Variants in POLR1C observed in about 807,000 individuals in gnomAD.
POLR1C encodes the protein RNA polymerase I and III subunit C.
In POLR1C, 42 loss-of-function variants were observed where a neutral mutation model predicts 38.3. That is an observed-to-expected ratio of 1.10 (90% CI 0.86 to 1.42). The LOEUF (loss-of-function observed/expected upper bound fraction) is 1.42, where lower values mean the gene tolerates loss of function less well. Among genes scored for constraint, POLR1C ranks in the 40% most tolerant of loss-of-function variants. The probability of loss-of-function intolerance (pLI) is 0.00; values close to 1 mark genes in which losing one functional copy is unlikely to be tolerated. For synonymous variants in POLR1C, 163 were observed against 163.9 expected (o/e 0.99, Z 0.04); for missense variants, 507 against 450.5 (o/e 1.13, Z -1.14).
chr6:43,537,395 T>TA (rs1400172732), intron 9 of POLR1C, among the ~76,000 whole-genome samples: 2 of 152,188 alleles, frequency 1.3e-5, no homozygotes, highest in African/African-American at 4.8e-5. Context: ...GATTATCTGC[T>TA]AAAAAACTGA....
intron 9 of POLR1C, among the ~76,000 whole-genome samples, chr6:43,538,666 C>G (rs1461851470): frequency 2.0e-5 from 3 of 152,086 alleles, no homozygotes; most frequent in African/African-American, 7.2e-5. Context: ...TCTATGTTTA[C>G]AAGTGATTTA....
At chr6:43,557,011 CCA>C (rs984232328) in intron 10 of POLR1C, among the ~76,000 whole-genome samples, 6 of 151,878 alleles carry the variant, frequency 4.0e-5, no homozygotes, top group Admixed American at 3.9e-4. Context: ...GCCTATAATC[CCA>C]GTTACTTGGG....
At chr6:43,531,202 CT>C (rs1793953634), downstream of POLR1C, among the ~76,000 whole-genome samples, 1 of 151,940 alleles carries the variant, frequency 6.6e-6, no homozygotes, top group African/African-American at 2.4e-5. Context: ...ATCCCCACCA[CT>C]TTTAGCTTCG....
intron 8 of POLR1C, chr6:43,529,113 C>G: frequency 1.8e-6 from 2 of 1,120,312 alleles, no homozygotes; most frequent in Non-Finnish European, 2.6e-6. Flanking sequence ...TATTGAATTC[C>G]ATTATACTCT....
intron 9 of POLR1C, chr6:43,546,466 C>G: frequency 1.8e-6 from 2 of 1,090,628 alleles, no homozygotes; most frequent in Non-Finnish European, 1.2e-6. Context: ...TAAATCAATC[C>G]CTCATTAATA....
chr6:43,557,915 G>A (rs1437927002), intron 10 of POLR1C, among the ~76,000 whole-genome samples: 3 of 151,654 alleles, frequency 2.0e-5, no homozygotes, highest in Admixed American at 2.0e-4. Flanking sequence ...GACCAACATG[G>A]AGAAACCCCA....
intron 8 of POLR1C, chr6:43,527,842 C>G: frequency 8.7e-7 from 1 of 1,153,272 alleles, no homozygotes. Flanking sequence ...TTTGGGTCTT[C>G]GTTTTATGCA....
intron 9 of POLR1C, chr6:43,546,637 G>A (rs752581477): frequency 6.2e-7 from 1 of 1,613,908 alleles, no homozygotes; most frequent in Non-Finnish European, 8.5e-7. Flanking sequence ...ACGGAAGATT[G>A]GATTTCCACT....
At chr6:43,517,836 T>C (rs1294661381) in intron 2 of POLR1C, among the ~76,000 whole-genome samples, 1 of 152,246 alleles carries the variant, frequency 6.6e-6, no homozygotes, top group East Asian at 1.9e-4. Context: ...TAGTCTTTTG[T>C]ATTGTTTCAC....
intron 9 of POLR1C, among the ~76,000 whole-genome samples, chr6:43,545,273 G>A (rs762068840): frequency 5.3e-5 from 8 of 152,188 alleles, no homozygotes; most frequent in Non-Finnish European, 7.3e-5. Flanking sequence ...TTGGTTCTCA[G>A]GCTTCAGGTC....
rs1793062463 is a variant in POLR1C at position 43,520,096 on chromosome 6, TAC to T, written c.415_416del (p.Gln139ValfsTer15). On this transcript the variant is annotated frameshift_variant, in exon 5 of 9. Transcript: ENST00000642195. LOFTEE classifies it high-confidence loss of function. ...GAAGAAGGCACAGAGATAGATACTC[TAC>T]AGTTTCGTCTCCAGGTCAGATGCAC... is the stretch of plus-strand genomic sequence containing the variant. The T allele has an allele frequency of 6.2e-7, 1 of 1,614,250 alleles. No homozygotes were observed. The highest frequency in any genetic ancestry group is 2.2e-5 in the East Asian group (1 of 44,888).
chr6:43,558,409 T>C (rs1762225498), intron 10 of POLR1C: 1 of 1,177,326 alleles, frequency 8.5e-7, no homozygotes, highest in African/African-American at 1.6e-5. Flanking sequence ...TGGGGATCTT[T>C]CGTAAAAACC....
At chr6:43,527,528 C>T (rs1793676226) in intron 8 of POLR1C, 2 of 1,171,084 alleles carry the variant, frequency 1.7e-6, no homozygotes, top group African/African-American at 3.1e-5. Flanking sequence ...ATGCCCGCCG[C>T]AAACATGAAT....
chr6:43,517,102 G>T lies in POLR1C; in HGVS notation c.-8G>T, dbSNP rs142683244. ...GATAGAACCTCTAGTCTCGTGGAGA[G>T]ATTGAAGATGGCGGCTTCTCAGGCG... is the stretch of plus-strand genomic sequence containing the variant. On this transcript the variant is annotated 5_prime_UTR_variant, in exon 1 of 9. Transcript: ENST00000642195. 4 of 1,614,144 alleles carry T rather than the reference G, an allele frequency of 2.5e-6. No homozygotes were observed. Among genetic ancestry groups the T allele is most frequent in the Non-Finnish European group, 3.4e-6 (4 of 1,179,946 alleles).
intron 10 of POLR1C, among the ~76,000 whole-genome samples, chr6:43,552,082 T>G (rs767559854): frequency 3.3e-5 from 5 of 152,204 alleles, no homozygotes; most frequent in Non-Finnish European, 5.9e-5. Flanking sequence ...TCAGCTACTT[T>G]ATTTATATAT....
At chr6:43,545,274 G>A (rs1474085174) in intron 9 of POLR1C, among the ~76,000 whole-genome samples, 1 of 152,160 alleles carries the variant, frequency 6.6e-6, no homozygotes, top group Non-Finnish European at 1.5e-5. Context: ...TGGTTCTCAG[G>A]CTTCAGGTCT....
At position 43,520,914 on chromosome 6, in the gene POLR1C, A is replaced by T. The variant is rs753042694; in HGVS notation, c.806-18A>T. 2 of 1,611,646 alleles carry T rather than the reference A, an allele frequency of 1.2e-6. No individual in the cohort carries two copies. Among genetic ancestry groups the T allele is most frequent in the Middle Eastern group, 3.3e-4 (2 of 6,054 alleles). On this transcript the variant is annotated intron_variant, in intron 7 of 8. Coordinates refer to ENST00000642195, the MANE Select transcript of POLR1C (RefSeq NM_203290.4). The stretch of plus-strand genomic sequence containing the variant: ...AAATTAGAAAAAGGAATAAAAAAAC[A>T]TGGTTTGTTCTCATTAGGTAAAAAG...
At chr6:43,535,118 C>T (rs1794235486) in intron 9 of POLR1C, among the ~76,000 whole-genome samples, 1 of 151,728 alleles carries the variant, frequency 6.6e-6, no homozygotes, top group Admixed American at 6.6e-5. Flanking sequence ...CAGTGAAACC[C>T]TGTCTCTACT....
chr6:43,521,540 T>G (rs1459008272), downstream of POLR1C: 1 of 1,138,240 alleles, frequency 8.8e-7, no homozygotes, highest in East Asian at 4.6e-5. Flanking sequence ...TTGAGTTTGT[T>G]TTTTGAGACA....
Sources: gnomAD v4.1 joint callset for allele counts (sites outside exome capture counted in the v4.1 genomes callset) on GRCh38, gnomAD v4.1.1 for gene constraint, MANE v1.5 for transcripts, NCBI Gene and HGNC (gene_info 2026-07-23, HGNC 2026-07-21) for gene names.